The following MLIP variants were observed in gnomAD, a reference collection of about 807,000 sequenced individuals.
The protein encoded by MLIP is muscular LMNA interacting protein.
In MLIP, 79 loss-of-function variants were observed where a neutral mutation model predicts 84.8. That is an observed-to-expected ratio of 0.93 (90% CI 0.78 to 1.12). The LOEUF is 1.12. Among genes scored for constraint, MLIP ranks in the 50% most tolerant of loss-of-function variants. MLIP has a pLI of 0.00. For missense variants in MLIP, 1,257 were observed against 1,160.6 expected (o/e 1.08, Z -1.21); for synonymous variants, 504 against 463.0 (o/e 1.09, Z -1.14).
chr6:54,234,451 C>T (rs1450150664), intron 12 of MLIP, among the ~76,000 whole-genome samples: 1 of 152,112 alleles, frequency 6.6e-6, no homozygotes, highest in Non-Finnish European at 1.5e-5. Context: ...CCATTCTTCT[C>T]CATTGGATTC....
intron 8 of MLIP, among the ~76,000 whole-genome samples, chr6:54,163,366 C>A (rs1774855709): frequency 6.6e-6 from 1 of 151,734 alleles, no homozygotes; most frequent in African/African-American, 2.4e-5. Flanking sequence ...ATAATTATTG[C>A]AATTCTTGTT....
At chr6:54,208,902 T>C (rs767050718) in intron 11 of MLIP, among the ~76,000 whole-genome samples, 2 of 152,246 alleles carry the variant, frequency 1.3e-5, no homozygotes, top group African/African-American at 4.8e-5. Flanking sequence ...ATGTTTTGTG[T>C]GATAGCTGTT....
intron 1 of MLIP, among the ~76,000 whole-genome samples, chr6:54,029,649 G>A (rs1316083318): frequency 6.6e-6 from 1 of 151,710 alleles, no homozygotes; most frequent in Non-Finnish European, 1.5e-5. Flanking sequence ...TTCTGTTCAG[G>A]GTATCATACT....
At chr6:54,210,285 T>C (rs1425532578) in intron 11 of MLIP, among the ~76,000 whole-genome samples, 1 of 151,524 alleles carries the variant, frequency 6.6e-6, no homozygotes, top group East Asian at 1.9e-4. Context: ...AATTGTTAAA[T>C]GTACCATTCT....
At chr6:54,152,806 A>G (rs1245357363) in intron 5 of MLIP, among the ~76,000 whole-genome samples, 1 of 152,140 alleles carries the variant, frequency 6.6e-6, no homozygotes, top group Admixed American at 6.6e-5. Context: ...ACTGTTTGAC[A>G]CATATTAATA....
chr6:54,257,959 A>G (rs1214161303), intron 13 of MLIP, among the ~76,000 whole-genome samples: 3 of 152,126 alleles, frequency 2.0e-5, no homozygotes, highest in Non-Finnish European at 2.9e-5. Flanking sequence ...TTTTAAAAAA[A>G]TGCTATACCA....
chr6:54,034,014 G>T (rs774771485), intron 1 of MLIP, among the ~76,000 whole-genome samples: 1 of 152,088 alleles, frequency 6.6e-6, no homozygotes, highest in African/African-American at 2.4e-5. Flanking sequence ...TGGATTACAC[G>T]TTAAAATGTC....
chr6:54,162,923 G>A (rs562102334), intron 8 of MLIP, among the ~76,000 whole-genome samples: 27 of 152,056 alleles, frequency 1.8e-4, no homozygotes, highest in Non-Finnish European at 2.9e-4. Context: ...GAATGAAAAG[G>A]CTTTTATGGT....
At chr6:54,077,016 C>T (rs144286972) in intron 1 of MLIP, among the ~76,000 whole-genome samples, 54 of 152,242 alleles carry the variant, frequency 3.5e-4, no homozygotes, top group African/African-American at 7.0e-4. Context: ...CCACTGAGAA[C>T]GTCTTGTGTT....
At chr6:54,160,341 A>T in intron 5 of MLIP, 26 bp from the exon 6 acceptor site, 2 of 1,597,748 alleles carry the variant, frequency 1.3e-6, no homozygotes, top group South Asian at 2.2e-5. Flanking sequence ...GAAGCCTCAT[A>T]TAAGAACTAT....
chr6:54,092,816 AG>A (rs1265219213), intron 1 of MLIP, among the ~76,000 whole-genome samples: 1 of 152,124 alleles, frequency 6.6e-6, no homozygotes, highest in African/African-American at 2.4e-5. Flanking sequence ...CCATCACTTC[AG>A]TGTGTGATTT....
intron 9 of MLIP, among the ~76,000 whole-genome samples, chr6:54,170,949 A>T (rs905603655): frequency 2.6e-5 from 4 of 151,400 alleles, no homozygotes; most frequent in Non-Finnish European, 5.9e-5. Flanking sequence ...ACTTTTTGTG[A>T]CTAATACATT....
chr6:54,233,177 C>CT lies in MLIP; in HGVS notation c.2922+2268dup, dbSNP rs900953701. Among the ~76,000 whole-genome samples, 19 of 151,900 alleles carry CT rather than the reference C, an allele frequency of 1.3e-4. No individual in the cohort carries two copies. In the East Asian group the frequency reaches 1.5e-3, roughly 12 times the overall value. On this transcript the variant is annotated intron_variant, in intron 12 of 13. Transcript: ENST00000502396. Reference sequence around the variant, plus strand: ...GAAGTCATTCCTTTTACTTTCTTTTCTTTTTTTTGTTTTAATTATACTTTA... The same window carrying CT: ...GAAGTCATTCCTTTTACTTTCTTTTCTTTTTTTTTGTTTTAATTATACTTTA...
At chr6:54,095,759 C>T (rs2150379447) in intron 1 of MLIP, among the ~76,000 whole-genome samples, 1 of 152,314 alleles carries the variant, frequency 6.6e-6, no homozygotes, top group Admixed American at 6.5e-5. Flanking sequence ...ACAGCGGAAG[C>T]TTAGTCAGAG....
In MLIP at chr6:54,216,398, CAT is replaced by C. The variant is rs201706741; in HGVS notation, c.2718+14167_2718+14168del. The C allele has an allele frequency of 1.5e-3, 1,448 of 985,244 alleles. 20 individuals are homozygous for C. The African/African-American group carries it at 0.023, about 16-fold the overall frequency. The allele number at this position is 985,244 out of a possible 1,614,324, so 61.0% of individuals were successfully genotyped here. On this transcript the variant is annotated intron_variant, in intron 11 of 13. Transcript: ENST00000502396. ...GAATCCAACTATATGTATAGAAAAA[CAT>C]AAAACTCAGCATTGTAGTCCTCTGC... is the stretch of plus-strand genomic sequence containing the variant.
chr6:54,055,659 TAAAC>T lies in MLIP; in HGVS notation c.63+36572_63+36575del, dbSNP rs145663653. Among the ~76,000 whole-genome samples the T allele has an allele frequency of 5.6e-3, 853 of 152,028 alleles. 7 individuals carry two copies. The highest frequency in any genetic ancestry group is 0.019 in the African/African-American group (799 of 41,460). Reference sequence around the variant, plus strand: ...GAGTGAGGGGAAAGAGACAATAAAATAAACAAAAATATAACAAACATGGAACACA... The same window carrying T: ...GAGTGAGGGGAAAGAGACAATAAAATAAAAATATAACAAACATGGAACACA... On this transcript the variant is annotated intron_variant, in intron 1 of 12. Transcript: ENST00000274897.
At chr6:54,247,835 G>A (rs1782193690) in intron 12 of MLIP, among the ~76,000 whole-genome samples, 1 of 152,126 alleles carries the variant, frequency 6.6e-6, no homozygotes, top group Admixed American at 6.6e-5. Context: ...TACTGCTAGA[G>A]GAGAGTGGAA....
At chr6:54,099,973 T>TG (rs1169892552) in intron 1 of MLIP, among the ~76,000 whole-genome samples, 1 of 152,132 alleles carries the variant, frequency 6.6e-6, no homozygotes, top group Non-Finnish European at 1.5e-5. Context: ...TGGAGTACAT[T>TG]CAGTAATCGT....
chr6:54,137,655 C>T lies in MLIP; in HGVS notation c.1586C>T (p.Pro529Leu), dbSNP rs957507494. 6.5e-6 allele frequency: 10 copies of T among 1,536,080 alleles called. No homozygotes were observed. Among genetic ancestry groups the T allele is most frequent in the Non-Finnish European group, 8.7e-6 (10 of 1,146,886 alleles). Residue 529 changes from proline to leucine, a missense_variant, in exon 4 of 14, where the codon CCT becomes CTT. Physicochemically the swap from Pro to Leu is moderately conservative, Grantham distance 98. Transcript: ENST00000502396. ...ATGAATGTAGAGAGAACACCATCAC[C>T]TACTTTGAAGAGCAATACCATGCTC... ...ASMNVERTPS[P>L]TLKSNTMLSL... is the part of the protein sequence containing the mutation.
Sources: gnomAD v4.1 joint callset for allele counts (sites outside exome capture counted in the v4.1 genomes callset) on GRCh38, gnomAD v4.1.1 for gene constraint, MANE v1.5 for transcripts, NCBI Gene and HGNC (gene_info 2026-07-23, HGNC 2026-07-21) for gene names.